SHTN1: variants seen among roughly 807,000 people sequenced by gnomAD.
SHTN1 encodes shootin-1.
SHTN1 carries 42 observed loss-of-function variants against 83.1 expected under a neutral mutation model. The observed-to-expected ratio is 0.51, with a 90% CI of 0.39 to 0.65. SHTN1 has a LOEUF of 0.65. Among genes scored for constraint, SHTN1 ranks in the 30% least tolerant of loss-of-function variants. The probability of loss-of-function intolerance (pLI) is 0.00; values close to 1 mark genes in which losing one functional copy is unlikely to be tolerated. For missense variants in SHTN1, 622 were observed against 737.8 expected (o/e 0.84, Z 1.82); for synonymous variants, 224 against 247.7 (o/e 0.90, Z 0.90).
intron 2 of SHTN1, among the ~76,000 whole-genome samples, chr10:117,045,026 T>C (rs1468299848): frequency 2.6e-5 from 4 of 152,228 alleles, no homozygotes; most frequent in African/African-American, 4.8e-5. Flanking sequence ...TAGCAGGATA[T>C]ACTGACAACT....
At chr10:117,062,639 T>C (rs1191277570) in intron 1 of SHTN1, among the ~76,000 whole-genome samples, 1 of 152,142 alleles carries the variant, frequency 6.6e-6, no homozygotes. Context: ...TTGTGAAAAT[T>C]AAATGAGACA....
chr10:117,084,305 T>C (rs1485288228), intron 1 of SHTN1, among the ~76,000 whole-genome samples: 1 of 152,106 alleles, frequency 6.6e-6, no homozygotes, highest in Non-Finnish European at 1.5e-5. Flanking sequence ...TACCCTGCAG[T>C]GTGAGGTGTC....
intron 1 of SHTN1, among the ~76,000 whole-genome samples, chr10:117,115,749 C>A (rs1224054088): frequency 1.3e-5 from 2 of 152,116 alleles, no homozygotes; most frequent in Non-Finnish European, 2.9e-5. Context: ...GAGATTTCTT[C>A]AAGAGAAATA....
intron 16 of SHTN1, among the ~76,000 whole-genome samples, chr10:116,887,848 A>G (rs1431623378): frequency 6.6e-6 from 1 of 152,186 alleles, no homozygotes; most frequent in African/African-American, 2.4e-5. Context: ...GGGAGAAATC[A>G]AGGTTTGGGT....
intron 1 of SHTN1, among the ~76,000 whole-genome samples, chr10:117,085,071 G>A (rs1853331526): frequency 6.6e-6 from 1 of 152,146 alleles, no homozygotes; most frequent in South Asian, 2.1e-4. Flanking sequence ...CCCAGGGTTT[G>A]TGAATTTTAA....
chr10:117,010,338 C>T (rs1852085432), upstream of SHTN1, among the ~76,000 whole-genome samples: 1 of 151,840 alleles, frequency 6.6e-6, no homozygotes, highest in South Asian at 2.1e-4. Flanking sequence ...TTCCCAGAAA[C>T]ACACAAGTCA....
At chr10:117,051,373 C>CA (rs1307759740) in intron 1 of SHTN1, among the ~76,000 whole-genome samples, 2 of 152,078 alleles carry the variant, frequency 1.3e-5, no homozygotes, top group East Asian at 1.9e-4. Context: ...TCAAATACTT[C>CA]AAAAAAATAG....
intron 1 of SHTN1, among the ~76,000 whole-genome samples, chr10:116,990,894 T>G (rs1307757658): frequency 6.6e-6 from 1 of 152,106 alleles, no homozygotes; most frequent in East Asian, 1.9e-4. Flanking sequence ...CTTAAAGGGC[T>G]TCTTGGTTTT....
At chr10:116,922,372 A>ATAG (rs1848595784) in intron 11 of SHTN1, among the ~76,000 whole-genome samples, 1 of 152,102 alleles carries the variant, frequency 6.6e-6, no homozygotes. Flanking sequence ...ATATAAATTA[A>ATAG]TAGTACATTT....
intron 7 of SHTN1, among the ~76,000 whole-genome samples, chr10:116,947,616 C>T (rs964087029): frequency 1.5e-4 from 23 of 152,082 alleles, no homozygotes; most frequent in Non-Finnish European, 1.5e-5. Flanking sequence ...CGATCTGAAG[C>T]CCAGGCAAGA....
chr10:117,006,434 C>T (rs956660417), upstream of SHTN1, among the ~76,000 whole-genome samples: 1 of 151,718 alleles, frequency 6.6e-6, no homozygotes, highest in African/African-American at 2.4e-5. Context: ...GGCGTGGTGG[C>T]AGGCGCCTGT....
At chr10:116,944,573 G>A (rs988777589) in intron 8 of SHTN1, among the ~76,000 whole-genome samples, 9 of 152,030 alleles carry the variant, frequency 5.9e-5, no homozygotes, top group South Asian at 2.1e-4. Context: ...CTGATATGTC[G>A]TCTGCAAGGT....
intron 2 of SHTN1, among the ~76,000 whole-genome samples, chr10:117,018,511 A>ATTT (rs773889109): frequency 5.5e-4 from 76 of 137,024 alleles, no homozygotes; most frequent in African/African-American, 6.2e-4. Flanking sequence ...TTTTTTTAAA[A>ATTT]AAAAAAAAAA....
intron 2 of SHTN1, among the ~76,000 whole-genome samples, chr10:117,034,739 C>G (rs1445029800): frequency 2.0e-5 from 3 of 151,704 alleles, no homozygotes; most frequent in Non-Finnish European, 2.9e-5. Flanking sequence ...CATACAATAG[C>G]CACAAATATA....
intron 1 of SHTN1, among the ~76,000 whole-genome samples, chr10:117,053,369 T>C (rs1758830262): frequency 6.6e-6 from 1 of 152,054 alleles, no homozygotes; most frequent in Non-Finnish European, 1.5e-5. Flanking sequence ...ATATATCTAA[T>C]AATGGTCTAA....
chr10:116,888,136 CAGG>C (rs1847221763), intron 16 of SHTN1, among the ~76,000 whole-genome samples: 1 of 152,190 alleles, frequency 6.6e-6, no homozygotes, highest in South Asian at 2.1e-4. Flanking sequence ...CAAAAATAAT[CAGG>C]AGCCTGGGGA....
intron 15 of SHTN1, among the ~76,000 whole-genome samples, chr10:116,906,135 T>G (rs1847961894): frequency 6.6e-6 from 1 of 152,272 alleles, no homozygotes. Flanking sequence ...CCATGCACAT[T>G]GCTAAGCATT....
At chr10:117,061,902 G>A (rs974556552) in intron 1 of SHTN1, among the ~76,000 whole-genome samples, 6 of 152,208 alleles carry the variant, frequency 3.9e-5, no homozygotes, top group Non-Finnish European at 7.3e-5. Flanking sequence ...TTACTGACGT[G>A]TGCACAATGA....
At chr10:116,966,962 A>G (rs910572819) in intron 3 of SHTN1, among the ~76,000 whole-genome samples, 4 of 152,244 alleles carry the variant, frequency 2.6e-5, no homozygotes, top group South Asian at 4.1e-4. Context: ...GGTAATATCA[A>G]TAAGATTCCC....
Sources: gnomAD v4.1 joint callset for allele counts (sites outside exome capture counted in the v4.1 genomes callset) on GRCh38, gnomAD v4.1.1 for gene constraint, MANE v1.5 for transcripts, NCBI Gene and HGNC (gene_info 2026-07-23, HGNC 2026-07-21) for gene names.